Variants in ARB2A observed in about 807,000 individuals in gnomAD.
ARB2A encodes ARB2 cotranscriptional regulator A.
the ARB2A span, chr5:93,863,797 C>T: frequency 6.6e-6 from 1 of 151,810 alleles, no homozygotes; most frequent in Non-Finnish European, 1.5e-5. Flanking sequence ...TAAAATTATC[C>T]ATTGAAAGAA....
the ARB2A span, among the ~76,000 whole-genome samples, chr5:93,640,649 T>C: frequency 6.6e-6 from 1 of 150,992 alleles, no homozygotes; most frequent in Non-Finnish European, 1.5e-5. Context: ...TATATATACA[T>C]ATACATATAT....
the ARB2A span, among the ~76,000 whole-genome samples, chr5:93,938,450 C>A: frequency 6.6e-6 from 1 of 152,096 alleles, no homozygotes; most frequent in Non-Finnish European, 1.5e-5. Flanking sequence ...AATACATTTT[C>A]TTTTTAAAAC....
the ARB2A span, among the ~76,000 whole-genome samples, chr5:93,992,915 AAAAT>A: frequency 4.6e-5 from 7 of 152,080 alleles, no homozygotes; most frequent in Non-Finnish European, 2.9e-5. Flanking sequence ...AGACATTTCA[AAAAT>A]AGATTTTGTT....
At chr5:94,010,009 A>C in the ARB2A span, among the ~76,000 whole-genome samples, 1 of 151,298 alleles carries the variant, frequency 6.6e-6, no homozygotes, top group Non-Finnish European at 1.5e-5. Context: ...AGATTTTATT[A>C]ATATTTCTTT....
the ARB2A span, among the ~76,000 whole-genome samples, chr5:93,763,138 C>G: frequency 1.3e-5 from 2 of 152,032 alleles, no homozygotes; most frequent in African/African-American, 4.8e-5. Context: ...ACTGCATCAA[C>G]TAACGAGCAA....
At chr5:93,853,407 G>A in the ARB2A span, among the ~76,000 whole-genome samples, 4 of 152,138 alleles carry the variant, frequency 2.6e-5, no homozygotes, top group Non-Finnish European at 4.4e-5. Flanking sequence ...CTGCAAACAC[G>A]GACAATTTGA....
chr5:94,099,237 G>A, the ARB2A span, among the ~76,000 whole-genome samples: 5 of 152,008 alleles, frequency 3.3e-5, no homozygotes, highest in African/African-American at 7.3e-5. Context: ...AACAAAATAC[G>A]TGCAAATCAA....
At chr5:93,930,394 G>A in the ARB2A span, among the ~76,000 whole-genome samples, 244 of 152,264 alleles carry the variant, frequency 1.6e-3, no homozygotes, top group Non-Finnish European at 1.8e-3. Flanking sequence ...TTGCACTCTC[G>A]TGTATAATAC....
chr5:94,060,321 C>A, the ARB2A span, among the ~76,000 whole-genome samples: 3 of 151,980 alleles, frequency 2.0e-5, no homozygotes, highest in African/African-American at 7.3e-5. Context: ...CACTGCACTC[C>A]AGCCAGGGCC....
At chr5:94,067,067 C>T in the ARB2A span, among the ~76,000 whole-genome samples, 1 of 152,134 alleles carries the variant, frequency 6.6e-6, no homozygotes, top group Non-Finnish European at 1.5e-5. Flanking sequence ...TACAGCACAT[C>T]AACAGAATGA....
At chr5:93,960,050 T>C in the ARB2A span, among the ~76,000 whole-genome samples, 34 of 136,878 alleles carry the variant, frequency 2.5e-4, 1 homozygote, top group African/African-American at 9.9e-4. Context: ...CATACAATTA[T>C]CAAAATAGGA....
chr5:94,101,342 G>A, the ARB2A span, among the ~76,000 whole-genome samples: 174 of 152,176 alleles, frequency 1.1e-3, no homozygotes, highest in African/African-American at 3.2e-3. Flanking sequence ...ATACATTGTC[G>A]GTAGGAGTGT....
At chr5:93,917,723 A>T in the ARB2A span, among the ~76,000 whole-genome samples, 36 of 152,108 alleles carry the variant, frequency 2.4e-4, no homozygotes, top group Non-Finnish European at 3.5e-4. Flanking sequence ...ACAAAAAATT[A>T]AAAAAATTAG....
chr5:94,069,912 T>C, the ARB2A span, among the ~76,000 whole-genome samples: 1 of 152,240 alleles, frequency 6.6e-6, no homozygotes, highest in Non-Finnish European at 1.5e-5. Context: ...GGAACTACCA[T>C]ACAAGCCAGC....
the ARB2A span, among the ~76,000 whole-genome samples, chr5:93,689,133 C>A: frequency 6.6e-6 from 1 of 152,186 alleles, no homozygotes; most frequent in Non-Finnish European, 1.5e-5. Context: ...TATTCTCCAG[C>A]AATACCGGAC....
chr5:94,018,129 C>T, the ARB2A span, among the ~76,000 whole-genome samples: 1 of 152,070 alleles, frequency 6.6e-6, no homozygotes. Context: ...TCGGGTATGT[C>T]TTTATCAGTG....
the ARB2A span, among the ~76,000 whole-genome samples, chr5:93,853,362 G>C: frequency 1.3e-5 from 2 of 152,206 alleles, no homozygotes; most frequent in Non-Finnish European, 2.9e-5. Flanking sequence ...TTTGGGCTGA[G>C]ACAATGGAGT....
chr5:93,960,732 T>C, the ARB2A span, among the ~76,000 whole-genome samples: 2 of 152,202 alleles, frequency 1.3e-5, no homozygotes, highest in South Asian at 4.1e-4. Context: ...ATTAAACTAG[T>C]ACATAATTAT....
chr5:94,062,693 G>A, the ARB2A span, among the ~76,000 whole-genome samples: 1 of 152,134 alleles, frequency 6.6e-6, no homozygotes, highest in South Asian at 2.1e-4. Flanking sequence ...TGAGTCCCAA[G>A]CAGCTACGGT....
Sources: gnomAD v4.1 joint callset for allele counts (sites outside exome capture counted in the v4.1 genomes callset) on GRCh38, gnomAD v4.1.1 for gene constraint, MANE v1.5 for transcripts, NCBI Gene and HGNC (gene_info 2026-07-23, HGNC 2026-07-21) for gene names.